Variants in ATXN8OS observed in about 807,000 individuals in gnomAD.
ATXN8OS encodes the protein ATXN8 opposite strand lncRNA, also known as ATXN8 opposite strand (non-protein coding).
chr13:70,143,867 A>G (rs1271698421), intron 3 of ATXN8OS, among the ~76,000 whole-genome samples: 1 of 152,142 alleles, frequency 6.6e-6, no homozygotes, highest in Non-Finnish European at 1.5e-5. Context: ...TTGACATGGA[A>G]ATTAATAGCT....
intron 4 of ATXN8OS, among the ~76,000 whole-genome samples, chr13:70,151,694 AATT>A (rs1888869001): frequency 6.6e-6 from 1 of 152,138 alleles, no homozygotes; most frequent in Admixed American, 6.5e-5. Flanking sequence ...TACTTTAGTT[AATT>A]GGAAGTCACT....
chr13:70,131,947 A>C (rs1774816124), intron 3 of ATXN8OS, among the ~76,000 whole-genome samples: 1 of 152,190 alleles, frequency 6.6e-6, no homozygotes, highest in South Asian at 2.1e-4. Context: ...ATACAGATAC[A>C]CTAGTCTAAA....
At chr13:70,170,578 C>T (rs1889133072) in exon 5 of ATXN8OS, among the ~76,000 whole-genome samples, 2 of 152,072 alleles carry the variant, frequency 1.3e-5, no homozygotes, top group Admixed American at 1.3e-4. Flanking sequence ...GACAACCTAA[C>T]CATCTCAAGG....
chr13:70,159,323 A>G (rs1395244475), intron 4 of ATXN8OS, among the ~76,000 whole-genome samples: 2 of 151,914 alleles, frequency 1.3e-5, no homozygotes, highest in Non-Finnish European at 2.9e-5. Flanking sequence ...TATTATTGCT[A>G]GTGAGCAATA....
intron 4 of ATXN8OS, among the ~76,000 whole-genome samples, chr13:70,157,140 G>A (rs1279793081): frequency 6.6e-6 from 1 of 152,006 alleles, no homozygotes; most frequent in East Asian, 1.9e-4. Flanking sequence ...TTGATTAAAG[G>A]CTCGTAACAA....
intron 2 of ATXN8OS, among the ~76,000 whole-genome samples, chr13:70,128,532 T>G (rs1888477936): frequency 6.8e-6 from 1 of 147,752 alleles, no homozygotes; most frequent in African/African-American, 2.6e-5. Context: ...TTCTATTGAC[T>G]TGAGCTTAAA....
At chr13:70,126,607 T>TTATA (rs3072615) in intron 2 of ATXN8OS, among the ~76,000 whole-genome samples, 72 of 149,900 alleles carry the variant, frequency 4.8e-4, no homozygotes, top group African/African-American at 8.5e-4. Flanking sequence ...TCTAGACATA[T>TTATA]TATATATATA....
chr13:70,153,038 G>GTGTGTA (rs1270020566), intron 4 of ATXN8OS, among the ~76,000 whole-genome samples: 1 of 151,520 alleles, frequency 6.6e-6, no homozygotes, highest in African/African-American at 2.4e-5. Flanking sequence ...GTGTGTGTGT[G>GTGTGTA]TGTGTGTGTG....
At chr13:70,147,641 C>T (rs1322290892) in intron 4 of ATXN8OS, among the ~76,000 whole-genome samples, 1 of 152,118 alleles carries the variant, frequency 6.6e-6, no homozygotes, top group Non-Finnish European at 1.5e-5. Flanking sequence ...TGTCATTAAT[C>T]CAGATTTTAA....
At chr13:70,158,132 G>A (rs1888959459) in intron 4 of ATXN8OS, among the ~76,000 whole-genome samples, 1 of 152,142 alleles carries the variant, frequency 6.6e-6, no homozygotes, top group African/African-American at 2.4e-5. Context: ...TAAGATAGAA[G>A]AGCAGAGGCT....
At chr13:70,111,261 T>C (rs1170454093) in intron 1 of ATXN8OS, among the ~76,000 whole-genome samples, 1 of 152,170 alleles carries the variant, frequency 6.6e-6, no homozygotes, top group African/African-American at 2.4e-5. Flanking sequence ...TTTGGATCTG[T>C]TTTAGTCCAT....
chr13:70,117,337 T>C (rs1282658870), intron 2 of ATXN8OS, among the ~76,000 whole-genome samples: 1 of 152,058 alleles, frequency 6.6e-6, no homozygotes, highest in Admixed American at 6.6e-5. Flanking sequence ...AAACATCATG[T>C]TGTATACTTT....
chr13:70,168,909 T>C (rs1005451940), intron 4 of ATXN8OS, among the ~76,000 whole-genome samples: 1 of 152,158 alleles, frequency 6.6e-6, no homozygotes, highest in Non-Finnish European at 1.5e-5. Flanking sequence ...TTCTTTTGTA[T>C]GTTTTTGCAT....
chr13:70,142,224 C>G (rs768718266), intron 3 of ATXN8OS, among the ~76,000 whole-genome samples: 3 of 152,116 alleles, frequency 2.0e-5, no homozygotes, highest in Non-Finnish European at 4.4e-5. Context: ...TTGTGTGTTT[C>G]TAGTATAAGT....
chr13:70,146,128 G>T (rs569095760), intron 3 of ATXN8OS, among the ~76,000 whole-genome samples: 1 of 148,288 alleles, frequency 6.7e-6, no homozygotes, highest in African/African-American at 2.5e-5. Flanking sequence ...CTTCTCAAAA[G>T]AAGACTTTTA....
chr13:70,116,812 A>G lies in ATXN8OS; in HGVS notation n.398+1514A>G, dbSNP rs548102866. Among the ~76,000 whole-genome samples, 11 of 152,250 alleles carry G rather than the reference A, an allele frequency of 7.2e-5. No homozygotes were observed. The South Asian group carries it at 2.3e-3, about 31-fold the overall frequency. On this transcript the variant is annotated intron_variant and non_coding_transcript_variant, in intron 2 of 4. Coordinates refer to ENST00000678624, the Ensembl canonical transcript of ATXN8OS. ...AAGAGATGATGTAAATGTGGACCAG[A>G]CATTGTTGCCAGGTCTGGCATTCAT...
At chr13:70,131,541 C>G in intron 3 of ATXN8OS, 1 of 398,282 alleles carries the variant, frequency 2.5e-6, no homozygotes. Flanking sequence ...ATTACTTTCC[C>G]CTCAATGCCT....
At chr13:70,147,235 A>G (rs1888798431) in intron 3 of ATXN8OS, among the ~76,000 whole-genome samples, 4 of 152,198 alleles carry the variant, frequency 2.6e-5, no homozygotes, top group Non-Finnish European at 5.9e-5. Context: ...TTAAAAACTA[A>G]TATAAGAATG....
At chr13:70,155,956 G>C (rs1001457633) in intron 4 of ATXN8OS, among the ~76,000 whole-genome samples, 1 of 151,742 alleles carries the variant, frequency 6.6e-6, no homozygotes, top group Non-Finnish European at 1.5e-5. Flanking sequence ...GATTCTATTT[G>C]TGTTTTCCTA....
Sources: allele counts gnomAD v4.1 joint callset (sites outside exome capture counted in the v4.1 genomes callset), GRCh38; gene constraint gnomAD v4.1.1; transcripts MANE v1.5; gene names NCBI Gene and HGNC (gene_info 2026-07-23, HGNC 2026-07-21).